The following ZBTB20 variants were observed in gnomAD, a reference collection of about 807,000 sequenced individuals.
ZBTB20 encodes the protein zinc finger and BTB domain containing 20.
A neutral mutation model predicts 56.9 loss-of-function variants in ZBTB20; 9 were observed. The observed-to-expected ratio is 0.16, with a 90% confidence interval of 0.10 to 0.28. The LOEUF (loss-of-function observed/expected upper bound fraction) is 0.28. Ranked by LOEUF, ZBTB20 falls within the 10% of genes least tolerant of loss-of-function variation. The pLI, the probability that ZBTB20 is intolerant of heterozygous loss-of-function variation, is 1.00. For missense variants in ZBTB20, 655 were observed against 1,003.0 expected (o/e 0.65, Z 4.69); for synonymous variants, 417 against 420.7 (o/e 0.99, Z 0.11).
chr3:114,974,254 A>G (rs2078008484), intron 3 of ZBTB20, 112 bp downstream of exon 3: 1 of 152,064 alleles, frequency 6.6e-6, no homozygotes, highest in Admixed American at 6.5e-5. Flanking sequence ...AGGACAATAA[A>G]AGAAAAATAA....
chr3:114,484,889 A>G (rs1291086409), intron 7 of ZBTB20, among the ~76,000 whole-genome samples: 1 of 152,234 alleles, frequency 6.6e-6, no homozygotes, highest in Non-Finnish European at 1.5e-5. Flanking sequence ...GCCCTGGACC[A>G]CAGACAAAGG....
chr3:115,116,882 AT>A (rs2084035809), intron 1 of ZBTB20, among the ~76,000 whole-genome samples: 1 of 152,110 alleles, frequency 6.6e-6, no homozygotes, highest in Non-Finnish European at 1.5e-5. Context: ...ATGTATCTGT[AT>A]TCAAAGTACA....
chr3:115,109,777 T>A (rs1278295877), intron 1 of ZBTB20, among the ~76,000 whole-genome samples: 3 of 152,188 alleles, frequency 2.0e-5, no homozygotes, highest in Non-Finnish European at 4.4e-5. Context: ...ACTTAAAATT[T>A]TATATTTGTT....
chr3:114,763,502 A>G (rs1186457422), intron 5 of ZBTB20, among the ~76,000 whole-genome samples: 1 of 152,212 alleles, frequency 6.6e-6, no homozygotes, highest in African/African-American at 2.4e-5. Context: ...TGCATAGAAC[A>G]TAGAATATAG....
intron 2 of ZBTB20, among the ~76,000 whole-genome samples, chr3:115,005,281 CTG>C (rs2079417213): frequency 6.6e-6 from 1 of 151,334 alleles, no homozygotes; most frequent in Admixed American, 6.6e-5. Flanking sequence ...TACATTTTAT[CTG>C]TATTTGTATT....
intron 6 of ZBTB20, among the ~76,000 whole-genome samples, chr3:114,531,577 A>T (rs2718441): frequency 0.63 from 95,536 of 152,026 alleles, 30,340 homozygotes; most frequent in East Asian, 0.79. Context: ...TCAGGACTGG[A>T]TTGAAACAAA....
At chr3:114,361,928 G>T (rs1384402997) in intron 10 of ZBTB20, among the ~76,000 whole-genome samples, 1 of 152,210 alleles carries the variant, frequency 6.6e-6, no homozygotes, top group Non-Finnish European at 1.5e-5. Context: ...AGCTAGTGCA[G>T]TAGTGCTGGC....
rs1225980307 is a variant in ZBTB20, at chr3:114,949,687, G to A, written c.-456+24679C>T. 5.9e-5 allele frequency among the ~76,000 whole-genome samples: 8 copies of A among 136,174 alleles called. 1 individual carries two copies. Among genetic ancestry groups the A allele is most frequent in the African/African-American group, 2.9e-4 (8 of 27,462 alleles). 89.3% of individuals were successfully genotyped at this position (136,174 alleles called of 152,430 possible). On this transcript the variant is annotated intron_variant, in intron 3 of 11. Coordinates refer to ENST00000675478, the MANE Select transcript of ZBTB20 (RefSeq NM_001348800.3). ...GGAAGCTGAGGCAGGAGAATCGCTT[G>A]AACTCAGGAGGCAAATTTTCAGTGA... is the stretch of plus-strand genomic sequence containing the variant.
At chr3:114,819,824 A>C (rs1343538649) in intron 4 of ZBTB20, among the ~76,000 whole-genome samples, 2 of 151,972 alleles carry the variant, frequency 1.3e-5, no homozygotes, top group East Asian at 3.9e-4. Flanking sequence ...TTTCTCACAT[A>C]AAATCTTACA....
chr3:114,816,443 G>A (rs554366825), intron 4 of ZBTB20, among the ~76,000 whole-genome samples: 1 of 152,132 alleles, frequency 6.6e-6, no homozygotes, highest in Non-Finnish European at 1.5e-5. Context: ...AATTAAGATA[G>A]AATAACCATT....
At chr3:114,889,140 C>T (rs2076714001) in intron 4 of ZBTB20, among the ~76,000 whole-genome samples, 1 of 151,694 alleles carries the variant, frequency 6.6e-6, no homozygotes, top group Non-Finnish European at 1.5e-5. Context: ...CACATTTTTA[C>T]CCTAATGCAC....
At chr3:114,868,006 C>A (rs944762523) in intron 4 of ZBTB20, among the ~76,000 whole-genome samples, 1 of 152,098 alleles carries the variant, frequency 6.6e-6, no homozygotes, top group Non-Finnish European at 1.5e-5. Context: ...CGTAACTTCA[C>A]GTAGTCTGTA....
intron 5 of ZBTB20, among the ~76,000 whole-genome samples, chr3:114,717,123 T>C (rs2064538496): frequency 6.6e-6 from 1 of 152,140 alleles, no homozygotes; most frequent in Non-Finnish European, 1.5e-5. Flanking sequence ...TGCAGAGCCT[T>C]GGTTTCCTTT....
chr3:114,617,482 G>T (rs1044245211), intron 6 of ZBTB20, among the ~76,000 whole-genome samples: 1 of 152,120 alleles, frequency 6.6e-6, no homozygotes, highest in Admixed American at 6.6e-5. Flanking sequence ...GTGCCTCCAT[G>T]GTTCCTTGAA....
intron 5 of ZBTB20, among the ~76,000 whole-genome samples, chr3:114,721,315 T>C (rs1485433621): frequency 6.6e-6 from 1 of 151,736 alleles, no homozygotes; most frequent in African/African-American, 2.4e-5. Flanking sequence ...ATAAAGGTAA[T>C]GAGAGAGAAA....
intron 2 of ZBTB20, among the ~76,000 whole-genome samples, chr3:115,033,507 C>T (rs1411876269): frequency 6.6e-6 from 1 of 151,546 alleles, no homozygotes; most frequent in Non-Finnish European, 1.5e-5. Context: ...ATCCAGCAAT[C>T]CCACTGCTGG....
At chr3:114,741,327 T>C (rs1260340830) in intron 5 of ZBTB20, among the ~76,000 whole-genome samples, 1 of 152,112 alleles carries the variant, frequency 6.6e-6, no homozygotes, top group Admixed American at 6.6e-5. Context: ...GTGAGATGAG[T>C]CAAGAAAAAT....
intron 7 of ZBTB20, among the ~76,000 whole-genome samples, chr3:114,487,012 A>G (rs1260516258): frequency 6.6e-6 from 1 of 152,204 alleles, no homozygotes; most frequent in Non-Finnish European, 1.5e-5. Context: ...CACTGCAAAG[A>G]CTTCTTGTAC....
At chr3:114,949,763 T>C (rs937763134) in intron 3 of ZBTB20, among the ~76,000 whole-genome samples, 3 of 150,768 alleles carry the variant, frequency 2.0e-5, no homozygotes, top group African/African-American at 5.0e-5. Flanking sequence ...TAAGACTCTG[T>C]CTCAAAAAAG....
Sources: allele counts gnomAD v4.1 joint callset (sites outside exome capture counted in the v4.1 genomes callset), GRCh38; gene constraint gnomAD v4.1.1; transcripts MANE v1.5; gene names NCBI Gene and HGNC (gene_info 2026-07-23, HGNC 2026-07-21).